KLHL41: variants seen among roughly 807,000 people sequenced by gnomAD.
KLHL41 encodes kelch like family member 41, also known as kelch-like protein 41.
KLHL41 carries 31 observed loss-of-function variants against 49.2 expected under a neutral mutation model. The ratio of observed to expected loss-of-function variants is 0.63; its 90% CI spans 0.47 to 0.85. The LOEUF is 0.85. Ranked by LOEUF, KLHL41 falls within the 40% of genes least tolerant of loss-of-function variation. The pLI is 0.00. For synonymous variants in KLHL41, 218 were observed against 258.5 expected (o/e 0.84, Z 1.50); for missense variants, 663 against 726.7 (o/e 0.91, Z 1.01).
intron 1 of KLHL41, among the ~76,000 whole-genome samples, chr2:169,513,927 C>A (rs1684068251): frequency 6.6e-6 from 1 of 152,056 alleles, no homozygotes; most frequent in Non-Finnish European, 1.5e-5. Flanking sequence ...TGAGCAGTTA[C>A]TTATTAATAT....
intron 1 of KLHL41, 170 bp from the exon 2 acceptor site, chr2:169,514,404 T>C: frequency 1.0e-5 from 5 of 482,676 alleles, no homozygotes; most frequent in Non-Finnish European, 1.8e-5. Context: ...CTCATTCTTC[T>C]TGGTAATTAT....
In KLHL41 at chr2:169,525,829, G is replaced by A; in HGVS notation, c.*133G>A. The A allele has an allele frequency of 5.7e-6, 3 of 524,386 alleles. No individual in the cohort carries two copies. The Admixed American group carries it at 1.0e-4, about 18-fold the overall frequency. The allele number at this position is 524,386 out of a possible 1,614,324, so 32.5% of individuals were successfully genotyped here. On this transcript the variant is annotated 3_prime_UTR_variant, in exon 6 of 6. Coordinates refer to ENST00000284669, the MANE Select transcript of KLHL41 (RefSeq NM_006063.3). ...CAAGAAGTTATTGTCTAAGAGATGA[G>A]CAGTAGGTAAGAAAACCTCAGTCAT... is the stretch of plus-strand genomic sequence containing the variant.
intron 5 of KLHL41, among the ~76,000 whole-genome samples, chr2:169,523,413 A>C (rs1469185323): frequency 1.3e-5 from 2 of 152,160 alleles, no homozygotes; most frequent in Non-Finnish European, 2.9e-5. Context: ...AGATCCATGG[A>C]TGTTTCTATA....
intron 1 of KLHL41, among the ~76,000 whole-genome samples, chr2:169,513,905 G>A (rs1034560490): frequency 2.6e-5 from 4 of 151,904 alleles, no homozygotes; most frequent in South Asian, 4.2e-4. Flanking sequence ...CAGAAGTGGT[G>A]GTGACCAAAA....
At chr2:169,523,099 C>A (rs1398929888) in intron 5 of KLHL41, among the ~76,000 whole-genome samples, 1 of 151,998 alleles carries the variant, frequency 6.6e-6, no homozygotes, top group Admixed American at 6.6e-5. Flanking sequence ...GTGGGACCTC[C>A]CTGAAGCCCT....
Position 169,509,813 on chromosome 2 carries a change from G to A in KLHL41, c.35G>A (p.Arg12Gln), listed in dbSNP as rs527886468. ...CAGCGGGAACTTGCAGAGGAACTGC[G>A]GCTTTACCAATCCACCCTTCTTCAG... The part of the protein sequence containing the change: ...DSQRELAEEL[R>Q]LYQSTLLQDG... The change falls in exon 1 of 6, where the codon CGG becomes CAG. Residue 12 changes from arginine to glutamine, a missense_variant. Physicochemically the swap from Arg to Gln is conservative, Grantham distance 43. Around this residue, in one of 3 missense-constraint regions of KLHL41, gnomAD observed 129 missense variants for 122.1 expected, o/e 1.06. Transcript: ENST00000284669. 18 of 1,613,130 alleles carry A rather than the reference G, an allele frequency of 1.1e-5. No individual in the cohort carries two copies. The highest frequency in any genetic ancestry group is 4.0e-5 in the African/African-American group (3 of 75,030).
rs755154791 is a variant in KLHL41, at chr2:169,510,723, G to A, written c.945G>A (p.Val315=). 9.9e-6 allele frequency: 16 copies of A among 1,614,108 alleles called. No individual in the cohort carries two copies. Among genetic ancestry groups the A allele is most frequent in the Non-Finnish European group, 1.4e-5 (16 of 1,180,018 alleles). Residue 315 remains valine (V), a synonymous_variant, in exon 1 of 6, where the codon GTG becomes GTA. Transcript: ENST00000284669. This position sits in a 1 kb window ranked among gnomAD's most constrained non-coding sequence, Gnocchi z 4.2. Reference sequence around the variant, plus strand: ...TCTTGGTTAATGACACAGCAGCAGTGGCTTATGACCCCACGGAAAATGAAT... The same window carrying A: ...TCTTGGTTAATGACACAGCAGCAGTAGCTTATGACCCCACGGAAAATGAAT... The part of the protein sequence containing the change: ...LILLVNDTAA[V]AYDPTENECY...
At chr2:169,521,837 C>A (rs542172346) in intron 5 of KLHL41, among the ~76,000 whole-genome samples, 1 of 152,086 alleles carries the variant, frequency 6.6e-6, no homozygotes, top group South Asian at 2.1e-4. Flanking sequence ...TCCATTTTAC[C>A]TGCCTGGAGG....
chr2:169,513,949 A>G (rs1684068635), intron 1 of KLHL41, among the ~76,000 whole-genome samples: 1 of 152,212 alleles, frequency 6.6e-6, no homozygotes, highest in Non-Finnish European at 1.5e-5. Flanking sequence ...AATTTTTTAA[A>G]AAAGAGAAGA....
chr2:169,518,164 A>T lies in KLHL41; in HGVS notation c.1377-26A>T, dbSNP rs777303663. ...GGTGCTGTCAAAAAAAGGTTCTAAAAGGAACATTTGTTTTTCTGTTTACAG... is the reference window on the plus strand; with the variant it reads ...GGTGCTGTCAAAAAAAGGTTCTAAATGGAACATTTGTTTTTCTGTTTACAG... On this transcript the variant is annotated intron_variant, in intron 3 of 5. Transcript: ENST00000284669. 39 of 1,578,578 alleles carry T rather than the reference A, an allele frequency of 2.5e-5. No homozygotes were observed. In the East Asian group the frequency reaches 8.8e-4, roughly 35 times the overall value.
chr2:169,522,505 C>T (rs2353190), intron 5 of KLHL41, among the ~76,000 whole-genome samples: 150,656 of 152,186 alleles, frequency 0.99, 74,580 homozygotes, highest in East Asian at 1. Flanking sequence ...TAATGAAGGC[C>T]GGGAAGGTTA....
rs769145348 is a variant in KLHL41, at chr2:169,510,376, G to C, written c.598G>C (p.Val200Leu). ...AAAAGAAGAAGCAGTATTTGAGGCA[G>C]TGATGAAATGGGTGCGAACAGACAA... ...VEKEEAVFEA[V>L]MKWVRTDKEN... Residue 200 changes from valine (V) to leucine (L), a missense_variant, in exon 1 of 6, where the codon GTG (valine) becomes CTG (leucine). Physicochemically the swap from Val to Leu is conservative, Grantham distance 32. This residue lies in a region of KLHL41 where 528 missense variants were observed against 581.0 expected (regional missense o/e 0.91). Coordinates refer to ENST00000284669, the MANE Select transcript of KLHL41 (RefSeq NM_006063.3). The surrounding 1 kb of genome is among the most constrained non-coding windows in gnomAD (Gnocchi z 4.2). The C allele has an allele frequency of 2.5e-6, 4 of 1,614,042 alleles. No homozygotes were observed. In the Admixed American group the frequency reaches 6.7e-5, roughly 27 times the overall value.
chr2:169,525,664 C>A lies in KLHL41; in HGVS notation c.1789C>A (p.Arg597Ser), dbSNP rs1033276582. The change falls in exon 6 of 6, where the codon CGT becomes AGT. Residue 597 changes from arginine to serine, a missense_variant. By Grantham distance (110) the Arg-to-Ser change is moderately radical (BLOSUM62 -1). Coordinates refer to ENST00000284669, the MANE Select transcript of KLHL41 (RefSeq NM_006063.3). ...TTCAGGAGCTAGTTGCCTAGCAACACGTTTAAATCTCTTCAAACTGTCTAA... is the reference window on the plus strand; with the variant it reads ...TTCAGGAGCTAGTTGCCTAGCAACAAGTTTAAATCTCTTCAAACTGTCTAA... ...YASGASCLAT[R>S]LNLFKLSKL 19 of 1,610,470 alleles carry A rather than the reference C, an allele frequency of 1.2e-5. No individual in the cohort carries two copies. Among genetic ancestry groups the A allele is most frequent in the Non-Finnish European group, 1.6e-5 (19 of 1,176,882 alleles).
chr2:169,517,907 A>G (rs1162022992), intron 3 of KLHL41, among the ~76,000 whole-genome samples: 4 of 152,178 alleles, frequency 2.6e-5, no homozygotes, highest in Non-Finnish European at 4.4e-5. Context: ...GAGTAAAAAA[A>G]CTTCAATTGA....
chr2:169,517,653 T>C (rs890243336), intron 3 of KLHL41, among the ~76,000 whole-genome samples: 1 of 152,222 alleles, frequency 6.6e-6, no homozygotes, highest in East Asian at 1.9e-4. Flanking sequence ...ACTGTTGTCA[T>C]GATTCATCAG....
chr2:169,525,463 G>T (rs1195985230), intron 5 of KLHL41, 122 bp from the exon 6 acceptor site: 1 of 634,424 alleles, frequency 1.6e-6, no homozygotes, highest in African/African-American at 1.8e-5. Context: ...TACCAGGCAG[G>T]TGCATCTTCT....
intron 5 of KLHL41, among the ~76,000 whole-genome samples, chr2:169,522,365 A>G (rs1227827254): frequency 1.3e-5 from 2 of 152,136 alleles, no homozygotes; most frequent in Admixed American, 6.6e-5. Flanking sequence ...GAAATTAACT[A>G]CTTTCCCTCC....
At chr2:169,522,910 A>G (rs1684223250) in intron 5 of KLHL41, among the ~76,000 whole-genome samples, 1 of 151,280 alleles carries the variant, frequency 6.6e-6, no homozygotes, top group Admixed American at 6.6e-5. Flanking sequence ...TTTAGTAGAG[A>G]TGGGGTTTCA....
chr2:169,525,130 G>A (rs1446756246), intron 5 of KLHL41, among the ~76,000 whole-genome samples: 1 of 152,170 alleles, frequency 6.6e-6, no homozygotes, highest in East Asian at 1.9e-4. Context: ...TTCATAAAGT[G>A]ACAGCTGTGT....
Sources: gnomAD v4.1 joint callset for allele counts (sites outside exome capture counted in the v4.1 genomes callset) on GRCh38, gnomAD v4.1.1 for gene constraint, gnomAD v4.1.1 regional missense constraint, Gnocchi (gnomAD v3.1) non-coding constraint, MANE v1.5 for transcripts, NCBI Gene and HGNC (gene_info 2026-07-23, HGNC 2026-07-21) for gene names.